CDHR4: variants seen among roughly 807,000 people sequenced by gnomAD.
The protein encoded by CDHR4 is cadherin-related family member 4.
Under a neutral mutation model 88.4 loss-of-function variants are expected in CDHR4, and 89 were observed. The observed-to-expected ratio is 1.01, with a 90% confidence interval of 0.85 to 1.20. The LOEUF (loss-of-function observed/expected upper bound fraction) is 1.20, where lower values mean the gene tolerates loss of function less well. Ranked by LOEUF, CDHR4 falls within the 50% of genes most tolerant of loss-of-function variation. The pLI, the probability that CDHR4 is intolerant of heterozygous loss-of-function variation, is 0.00. For synonymous variants in CDHR4, 368 were observed against 399.2 expected (o/e 0.92, Z 0.93); for missense variants, 914 against 1,007.2 (o/e 0.91, Z 1.25).
chr3:49,793,407 C>G, intron 12 of CDHR4, 96 bp from the exon 13 acceptor site: 2 of 1,475,204 alleles, frequency 1.4e-6, no homozygotes. Context: ...GTAGCCTAGG[C>G]ATCAAGTGAT....
rs1217184852 is a variant in CDHR4 at position 49,795,411 on chromosome 3, G to C, written c.848-32C>G. The stretch of plus-strand genomic sequence containing the variant: ...GGGGTGAGAGAACACAGAGGTCAGG[G>C]GTCAGGGAACACAGAGATCAGCCCC... On this transcript the variant is annotated intron_variant, in intron 7 of 18. Transcript: ENST00000412678. This position sits in a 1 kb window ranked among gnomAD's most constrained non-coding sequence, Gnocchi z 5.4. 1 of 1,545,254 alleles carries C rather than the reference G, an allele frequency of 6.5e-7. No individual in the cohort carries two copies. Among genetic ancestry groups the C allele is most frequent in the African/African-American group, 1.4e-5 (1 of 72,916 alleles).
At chr3:49,798,805 C>A (rs749270023) in intron 4 of CDHR4, 21 bp downstream of exon 4, 7 of 1,609,420 alleles carry the variant, frequency 4.3e-6, no homozygotes, top group Non-Finnish European at 5.9e-6. Flanking sequence ...TGTCACCCAC[C>A]GTCCCATGTT....
At chr3:49,798,787 C>T (rs767572312) in intron 4 of CDHR4, 39 bp downstream of exon 4, 3 of 1,593,486 alleles carry the variant, frequency 1.9e-6, no homozygotes, top group Non-Finnish European at 2.6e-6. Context: ...ATCCCCCCAC[C>T]CCCATCCTGT....
rs1489938362 is a variant in CDHR4 at position 49,795,701 on chromosome 3, G to C, written c.774C>G (p.Val258=). 1 of 1,551,650 alleles carries C rather than the reference G, an allele frequency of 6.4e-7. No individual in the cohort carries two copies. The change falls in exon 7 of 19, where the codon GTC becomes GTG. Residue 258 remains valine, a synonymous_variant. Transcript: ENST00000412678. This position sits in a 1 kb window ranked among gnomAD's most constrained non-coding sequence, Gnocchi z 5.4. ...NLAPGSEVVQ[V]QARGVDLRYE... ...AGCGCAGGTCGACACCCCGGGCCTG[G>C]ACCTGAACCACCTCACTACCGGGGG... is the stretch of plus-strand genomic sequence containing the variant.
rs1321385297 is a variant in CDHR4 at position 49,799,382 on chromosome 3, T to C, written c.105A>G (p.Thr35=). 1.2e-6 allele frequency: 2 copies of C among 1,611,284 alleles called. No homozygotes were observed. Among genetic ancestry groups the C allele is most frequent in the Non-Finnish European group, 1.7e-6 (2 of 1,178,848 alleles). Reference sequence around the variant, plus strand: ...AGTTGAAGGATAAAAACTGAAGGACTGTGCCAGGGCCCTGGCTCTCAGAGA... The same window carrying C: ...AGTTGAAGGATAAAAACTGAAGGACCGTGCCAGGGCCCTGGCTCTCAGAGA... ...INVSESQGPG[T]VLQFLSFNCS... Residue 35 remains threonine (T), a synonymous_variant, in exon 2 of 19, where the codon ACA becomes ACG. Transcript: ENST00000412678.
Position 49,799,119 on chromosome 3 carries a change from A to C in CDHR4, c.278T>G (p.Met93Arg). The change falls in exon 3 of 19, where the codon ATG (methionine) becomes AGG (arginine). Residue 93 changes from methionine to arginine, a missense_variant. By Grantham distance (91) the Met-to-Arg change is moderately conservative (BLOSUM62 -1). Transcript: ENST00000412678. ...LSSSAQLDALMVNHYKVQLKF... is the reference protein window; with the variant it reads ...LSSSAQLDALRVNHYKVQLKF... The stretch of plus-strand genomic sequence containing the variant: ...CAGCTGCACCTTGTAGTGGTTCACC[A>C]TCAGGGCATCCAACTGAGCAGAGCT... The C allele has an allele frequency of 1.3e-6, 2 of 1,574,564 alleles. No individual in the cohort carries two copies. Among genetic ancestry groups the C allele is most frequent in the Non-Finnish European group, 1.7e-6 (2 of 1,159,730 alleles).
chr3:49,799,714 G>T, intron 1 of CDHR4, 50 bp downstream of exon 1: 3 of 1,591,780 alleles, frequency 1.9e-6, no homozygotes, highest in Non-Finnish European at 2.6e-6. Context: ...TCTGGGAAGG[G>T]TCAGGACTCC....
chr3:49,798,796 G>C, intron 4 of CDHR4, 30 bp downstream of exon 4: 1 of 1,602,632 alleles, frequency 6.2e-7, no homozygotes, highest in Non-Finnish European at 8.5e-7. Flanking sequence ...CCCCCATCCT[G>C]TCACCCACCG....
At chr3:49,798,626 C>A in intron 4 of CDHR4, 200 bp downstream of exon 4, 1 of 567,198 alleles carries the variant, frequency 1.8e-6, no homozygotes, top group Non-Finnish European at 3.1e-6. Flanking sequence ...CCTGAGATGT[C>A]CCTGTGGGAA....
At chr3:49,797,455 C>A (rs1413390709) in intron 4 of CDHR4, among the ~76,000 whole-genome samples, 1 of 150,688 alleles carries the variant, frequency 6.6e-6, no homozygotes, top group Non-Finnish European at 1.5e-5. Context: ...ATTTCCTTCC[C>A]TCCCTTCCCT....
intron 18 of CDHR4, among the ~76,000 whole-genome samples, chr3:49,791,208 G>C (rs778336532): frequency 6.6e-6 from 1 of 152,134 alleles, no homozygotes; most frequent in Non-Finnish European, 1.5e-5. Flanking sequence ...CCCTCCTCCC[G>C]TTGTGGGCAG....
intron 10 of CDHR4, 69 bp from the exon 11 acceptor site, chr3:49,794,075 G>T (rs1027114123): frequency 3.4e-6 from 5 of 1,463,592 alleles, no homozygotes; most frequent in Non-Finnish European, 4.6e-6. Context: ...TCTGAGGAGG[G>T]AGACAGGGCC....
intron 4 of CDHR4, 47 bp downstream of exon 4, chr3:49,798,779 C>G: frequency 6.4e-7 from 1 of 1,560,792 alleles, no homozygotes; most frequent in Non-Finnish European, 8.8e-7. Flanking sequence ...TTCTCTCCAT[C>G]CCCCCACCCC....
intron 13 of CDHR4, 27 bp from the exon 14 acceptor site, chr3:49,793,101 G>A (rs1252936618): frequency 9.7e-6 from 15 of 1,550,994 alleles, no homozygotes; most frequent in South Asian, 7.1e-5. Context: ...AGGAGGAAGA[G>A]ACCATTGCTG....
chr3:49,793,276 T>G lies in CDHR4; in HGVS notation c.1659A>C (p.Pro553=), dbSNP rs755832689. The part of the protein sequence containing the change: ...VNDHAPECEP[P]FQELTIYAPL... ...GAGCATAGATGGTGAGTTCCTGAAATGGGGGCTCACACTCGGGGGCATGGT... is the reference window on the plus strand; with the variant it reads ...GAGCATAGATGGTGAGTTCCTGAAAGGGGGGCTCACACTCGGGGGCATGGT... The change falls in exon 13 of 19, where the codon CCA becomes CCC. Residue 553 remains proline, a synonymous_variant. Transcript: ENST00000412678. The G allele has an allele frequency of 1.0e-5, 16 of 1,551,480 alleles. No individual in the cohort carries two copies. In the South Asian group the frequency reaches 1.9e-4, roughly 18 times the overall value.
Position 49,793,081 on chromosome 3 carries a change from G to C in CDHR4, c.1775-7C>G. 1 of 1,551,318 alleles carries C rather than the reference G, an allele frequency of 6.4e-7. No individual in the cohort carries two copies. The highest frequency in any genetic ancestry group is 8.7e-7 in the Non-Finnish European group (1 of 1,146,928). ...AATCGGTTCTGGCTATTCCCTGAAA[G>C]CAGAATGACAGGAGGAAGAGACCAT... On this transcript the variant is annotated splice_region_variant and splice_polypyrimidine_tract_variant and intron_variant, in intron 13 of 18. Transcript: ENST00000412678.
chr3:49,791,655 C>A (rs2081181637), intron 17 of CDHR4, 59 bp downstream of exon 17: 3 of 1,531,742 alleles, frequency 2.0e-6, no homozygotes, highest in Non-Finnish European at 2.7e-6. Flanking sequence ...TTGGAGGGGG[C>A]AGGGGAGTAC....
Position 49,793,670 on chromosome 3 carries a change from C to T in CDHR4, c.1536G>A (p.Arg512=), listed in dbSNP as rs902326516. Residue 512 remains arginine (R), a synonymous_variant, in exon 12 of 19, where the codon AGG becomes AGA. Coordinates refer to ENST00000412678, the MANE Select transcript of CDHR4 (RefSeq NM_001007540.4). ...CATGGTCAATCACAAGGACAGTGAG[C>T]CTGTACAGCCTCTGCTGCTCATAGT... ...PLDYEQQRLY[R]LTVLVIDHGQ... 3.9e-6 allele frequency: 6 copies of T among 1,551,650 alleles called. No homozygotes were observed. The African/African-American group carries it at 4.1e-5, about 11-fold the overall frequency.
chr3:49,794,734 C>T, intron 9 of CDHR4, 33 bp from the exon 10 acceptor site: 1 of 1,535,844 alleles, frequency 6.5e-7, no homozygotes, highest in Non-Finnish European at 8.8e-7. Flanking sequence ...GAGGTCCAGC[C>T]AGGGCCTGAG....
Sources: gnomAD v4.1 joint callset for allele counts (sites outside exome capture counted in the v4.1 genomes callset) on GRCh38, gnomAD v4.1.1 for gene constraint, Gnocchi (gnomAD v3.1) non-coding constraint, MANE v1.5 for transcripts, NCBI Gene and HGNC (gene_info 2026-07-23, HGNC 2026-07-21) for gene names.